TMC5: variants seen among roughly 807,000 people sequenced by gnomAD.
The protein encoded by TMC5 is transmembrane channel like 5.
In TMC5, 86 loss-of-function variants were observed where a neutral mutation model predicts 110.5. The ratio of observed to expected loss-of-function variants is 0.78; its 90% CI spans 0.65 to 0.93. TMC5 has a LOEUF of 0.93. Ranked by LOEUF, TMC5 falls within the 40% of genes least tolerant of loss-of-function variation. The pLI is 0.00. For synonymous variants in TMC5, 455 were observed against 439.5 expected (o/e 1.04, Z -0.44); for missense variants, 1,144 against 1,222.8 (o/e 0.94, Z 0.96).
chr16:19,429,325 G>A (rs933789097), intron 1 of TMC5, among the ~76,000 whole-genome samples: 2 of 152,180 alleles, frequency 1.3e-5, no homozygotes, highest in African/African-American at 2.4e-5. Flanking sequence ...TTAATTGAGT[G>A]ATGGAAGCTA....
chr16:19,477,595 A>T (rs1968520355), intron 13 of TMC5, 77 bp downstream of exon 13: 1 of 981,700 alleles, frequency 1.0e-6, no homozygotes, highest in Non-Finnish European at 1.6e-6. Context: ...GTTTCTCAAG[A>T]GCCATCACAC....
chr16:19,418,483 C>A (rs1461691617), intron 1 of TMC5, among the ~76,000 whole-genome samples: 1 of 152,052 alleles, frequency 6.6e-6, no homozygotes, highest in Non-Finnish European at 1.5e-5. Context: ...ACGACAAACA[C>A]GCAATAAATG....
chr16:19,482,742 G>A (rs549525845), intron 15 of TMC5, among the ~76,000 whole-genome samples: 4 of 152,108 alleles, frequency 2.6e-5, no homozygotes, highest in Non-Finnish European at 5.9e-5. Flanking sequence ...GATTTGTGAC[G>A]TCTGTTTTAG....
intron 17 of TMC5, 103 bp from the exon 18 acceptor site, chr16:19,490,292 A>C (rs1270936460): frequency 2.6e-6 from 3 of 1,161,154 alleles, no homozygotes; most frequent in Admixed American, 3.8e-5. Context: ...ATCAGGCAAG[A>C]CTTGATGTTT....
chr16:19,470,315 A>G (rs1968305103), intron 10 of TMC5, among the ~76,000 whole-genome samples: 1 of 152,110 alleles, frequency 6.6e-6, no homozygotes, highest in African/African-American at 2.4e-5. Context: ...CAGCCTCCCA[A>G]GTAGCTGGGA....
rs573979829 is a variant in TMC5 at position 19,457,709 on chromosome 16, C to CTTTTTTTTTTTTT, written c.1049-2504_1049-2492dup. 1.8e-3 allele frequency among the ~76,000 whole-genome samples: 81 copies of CTTTTTTTTTTTTT among 43,922 alleles called. 24 individuals carry two copies. Among genetic ancestry groups the CTTTTTTTTTTTTT allele is most frequent in the Non-Finnish European group, 3.2e-3 (60 of 18,946 alleles). The allele number at this position is 43,922 out of a possible 152,430, so 28.8% of individuals were successfully genotyped here. A position where few individuals can be genotyped will look rare whatever the true frequency, so the allele number is the denominator to read the frequency against. ...TCTATCTGATTCCCAAGACTACATT[C>CTTTTTTTTTTTTT]TTTTTTTTTTTTTTTTTTTTTTTTT... On this transcript the variant is annotated intron_variant, in intron 5 of 21. Transcript: ENST00000542583.
chr16:19,423,442 G>T (rs528100332), intron 1 of TMC5, among the ~76,000 whole-genome samples: 4 of 152,260 alleles, frequency 2.6e-5, no homozygotes, highest in Non-Finnish European at 4.4e-5. Context: ...GGACAGCGTC[G>T]CTGACTCTCC....
At chr16:19,449,856 T>A (rs906264170) in intron 5 of TMC5, among the ~76,000 whole-genome samples, 1 of 150,874 alleles carries the variant, frequency 6.6e-6, no homozygotes, top group Non-Finnish European at 1.5e-5. Flanking sequence ...GATGTGCCCT[T>A]CTTTCCCCTA....
rs1488918739 is a variant in TMC5, at chr16:19,469,661, C to G, written c.1638-20C>G. 6.2e-7 allele frequency: 1 copy of G among 1,613,514 alleles called. No individual in the cohort carries two copies. Among genetic ancestry groups the G allele is most frequent in the Non-Finnish European group, 8.5e-7 (1 of 1,179,570 alleles). On this transcript the variant is annotated intron_variant, in intron 9 of 21. Coordinates refer to ENST00000542583, the MANE Select transcript of TMC5 (RefSeq NM_001261841.2). ...ACGGCCATAATAACCTTCAGGTGTT[C>G]TGCTTTCTGCCTTCTCTAGCATGGC...
upstream of TMC5, among the ~76,000 whole-genome samples, chr16:19,414,059 G>A (rs1460862310): frequency 1.3e-5 from 2 of 152,224 alleles, no homozygotes; most frequent in African/African-American, 4.8e-5. Flanking sequence ...CAGGCTCAGG[G>A]AAATTCATAA....
chr16:19,492,335 T>C (rs944401229), intron 19 of TMC5, 107 bp downstream of exon 19: 4 of 652,264 alleles, frequency 6.1e-6, no homozygotes, highest in Non-Finnish European at 1.0e-5. Flanking sequence ...ATATCCCTGC[T>C]CTCAGCCCTA....
chr16:19,445,261 GTT>G (rs111537341), intron 4 of TMC5, among the ~76,000 whole-genome samples: 7 of 145,442 alleles, frequency 4.8e-5, no homozygotes, highest in African/African-American at 1.5e-4. Context: ...ATTCTAAACA[GTT>G]TTTTTTTTTT....
chr16:19,417,477 G>A (rs888524417), upstream of TMC5, among the ~76,000 whole-genome samples: 4 of 148,232 alleles, frequency 2.7e-5, no homozygotes, highest in African/African-American at 9.9e-5. Context: ...GGAGCATCAC[G>A]TTCCATTCTT....
At chr16:19,439,461 T>C (rs1967430770) in intron 2 of TMC5, among the ~76,000 whole-genome samples, 1 of 152,218 alleles carries the variant, frequency 6.6e-6, no homozygotes, top group African/African-American at 2.4e-5. Context: ...GAATATATTG[T>C]TCAAGATGAA....
At chr16:19,482,294 G>A (rs1281860627) in intron 15 of TMC5, among the ~76,000 whole-genome samples, 1 of 152,120 alleles carries the variant, frequency 6.6e-6, no homozygotes, top group Non-Finnish European at 1.5e-5. Flanking sequence ...CTGACCTCAG[G>A]TGATCCGCCC....
intron 15 of TMC5, among the ~76,000 whole-genome samples, chr16:19,482,417 T>A (rs1291033675): frequency 6.6e-6 from 1 of 152,202 alleles, no homozygotes; most frequent in Non-Finnish European, 1.5e-5. Flanking sequence ...CCTGATGGAC[T>A]AACACACCAC....
At chr16:19,439,452 A>G (rs1320902118) in intron 2 of TMC5, among the ~76,000 whole-genome samples, 1 of 152,190 alleles carries the variant, frequency 6.6e-6, no homozygotes, top group Admixed American at 6.5e-5. Flanking sequence ...TAACCAAGGG[A>G]ATATATTGTT....
At chr16:19,497,192 A>T (rs754006276) in intron 21 of TMC5, 29 bp downstream of exon 21, 1 of 1,602,176 alleles carries the variant, frequency 6.2e-7, no homozygotes, top group Admixed American at 1.7e-5. Context: ...ACAGAATAAG[A>T]CACTAATTTA....
At chr16:19,421,383 G>A (rs1159705120) in intron 1 of TMC5, among the ~76,000 whole-genome samples, 1 of 152,088 alleles carries the variant, frequency 6.6e-6, no homozygotes, top group East Asian at 1.9e-4. Flanking sequence ...TTCCCATGCT[G>A]TTCTCATGGG....
Sources: gnomAD v4.1 joint callset for allele counts (sites outside exome capture counted in the v4.1 genomes callset) on GRCh38, gnomAD v4.1.1 for gene constraint, MANE v1.5 for transcripts, NCBI Gene and HGNC (gene_info 2026-07-23, HGNC 2026-07-21) for gene names.